The following FGF12 variants were observed in gnomAD, a reference collection of about 807,000 sequenced individuals.
FGF12 encodes the protein fibroblast growth factor 12B.
FGF12 carries 14 observed loss-of-function variants against 23.6 expected under a neutral mutation model. That is an observed-to-expected ratio of 0.59 (90% CI 0.39 to 0.93). FGF12 has a LOEUF of 0.93. Among genes scored for constraint, FGF12 ranks in the 40% least tolerant of loss-of-function variants. FGF12 has a pLI of 0.00. For synonymous variants in FGF12, 62 were observed against 77.3 expected, an observed-to-expected ratio of 0.80 and a Z score of 1.04; for missense variants, 175 against 217.8, an observed-to-expected ratio of 0.80 and a Z score of 1.24.
intron 2 of FGF12, among the ~76,000 whole-genome samples, chr3:192,439,521 C>T (rs1722130496): frequency 6.6e-6 from 1 of 152,190 alleles, no homozygotes; most frequent in African/African-American, 2.4e-5. Flanking sequence ...CTTCTATGTG[C>T]TGAGCATTTC....
chr3:192,368,835 A>G (rs887801436), intron 2 of FGF12, among the ~76,000 whole-genome samples: 3 of 152,154 alleles, frequency 2.0e-5, no homozygotes, highest in Admixed American at 6.6e-5. Context: ...AGACCCTTTA[A>G]TGAGAAAGTC....
intron 4 of FGF12, among the ~76,000 whole-genome samples, chr3:192,218,862 T>C (rs765833307): frequency 4.6e-5 from 7 of 152,146 alleles, no homozygotes; most frequent in Non-Finnish European, 8.8e-5. Context: ...TTGCTCCACA[T>C]TTAAAAAGTT....
chr3:192,480,865 A>T (rs1723460547), intron 2 of FGF12, among the ~76,000 whole-genome samples: 5 of 152,180 alleles, frequency 3.3e-5, no homozygotes, highest in Admixed American at 3.3e-4. Flanking sequence ...ACATTCACCC[A>T]TTACTATTGA....
At chr3:192,570,344 A>G (rs1340695967) in intron 2 of FGF12, among the ~76,000 whole-genome samples, 1 of 152,244 alleles carries the variant, frequency 6.6e-6, no homozygotes, top group Non-Finnish European at 1.5e-5. Flanking sequence ...AAACTTATCA[A>G]AAAAAGATTT....
intron 4 of FGF12, among the ~76,000 whole-genome samples, chr3:192,213,556 C>G (rs1185866714): frequency 6.6e-6 from 1 of 152,134 alleles, no homozygotes; most frequent in Non-Finnish European, 1.5e-5. Context: ...TCAAATAAGT[C>G]AAGTGACTTA....
In FGF12 at chr3:192,674,146, C is replaced by A. The variant is rs145144104; in HGVS notation, c.13+53035G>T. Among the ~76,000 whole-genome samples, 3 of 140,660 alleles carry A rather than the reference C, an allele frequency of 2.1e-5. 1 individual carries two copies. The highest frequency in any genetic ancestry group is 4.9e-5 in the Non-Finnish European group (3 of 60,610). The allele number at this position is 140,660 out of a possible 152,430, so 92.3% of individuals were successfully genotyped here. Reference sequence around the variant, plus strand: ...GCCCTATCTCATGTAATCCCTAGAACAACCCATGGGGTAGTTATTAACCTT... The same window carrying A: ...GCCCTATCTCATGTAATCCCTAGAAAAACCCATGGGGTAGTTATTAACCTT... On this transcript the variant is annotated intron_variant, in intron 2 of 5. Coordinates refer to ENST00000445105, the MANE Select transcript of FGF12 (RefSeq NM_004113.6).
chr3:192,315,413 T>G (rs893690319), intron 4 of FGF12, among the ~76,000 whole-genome samples: 7 of 152,206 alleles, frequency 4.6e-5, no homozygotes, highest in Non-Finnish European at 8.8e-5. Context: ...AAAAATCCAC[T>G]GATTTCCCCT....
chr3:192,681,244 T>G (rs1435687807), intron 2 of FGF12, among the ~76,000 whole-genome samples: 1 of 152,114 alleles, frequency 6.6e-6, no homozygotes, highest in African/African-American at 2.4e-5. Flanking sequence ...GATATAACAA[T>G]GTAAACTAGA....
intron 2 of FGF12, among the ~76,000 whole-genome samples, chr3:192,644,732 T>C (rs983322188): frequency 5.3e-5 from 8 of 152,172 alleles, no homozygotes; most frequent in African/African-American, 1.9e-4. Context: ...TAAACACAAG[T>C]CTGCCATCAT....
chr3:192,251,506 A>G (rs1712011144), intron 4 of FGF12, among the ~76,000 whole-genome samples: 1 of 152,172 alleles, frequency 6.6e-6, no homozygotes. Context: ...AAGACAAATG[A>G]CTGTACATGT....
intron 4 of FGF12, among the ~76,000 whole-genome samples, chr3:192,264,031 T>C (rs76186640): frequency 2.6e-3 from 396 of 152,230 alleles, no homozygotes; most frequent in Non-Finnish European, 4.3e-3. Flanking sequence ...TAATGTGTCA[T>C]ATTTCATCTT....
chr3:192,145,760 C>G (rs931407053), intron 5 of FGF12, among the ~76,000 whole-genome samples: 3 of 152,122 alleles, frequency 2.0e-5, no homozygotes, highest in Admixed American at 6.5e-5. Flanking sequence ...ACAGAGGAAA[C>G]CAGCTCAGAG....
At chr3:192,216,005 G>A (rs1012440553) in intron 4 of FGF12, among the ~76,000 whole-genome samples, 1 of 152,036 alleles carries the variant, frequency 6.6e-6, no homozygotes, top group Admixed American at 6.6e-5. Context: ...GTACAAGCAC[G>A]TGAGTTTCTA....
At chr3:192,448,332 A>G (rs1722422701) in intron 2 of FGF12, among the ~76,000 whole-genome samples, 1 of 152,232 alleles carries the variant, frequency 6.6e-6, no homozygotes, top group Non-Finnish European at 1.5e-5. Context: ...CTCTGCAAAA[A>G]ATTCATTTTC....
In FGF12 at chr3:192,628,893, G is replaced by A. The variant is rs1264263866; in HGVS notation, c.13+98288C>T. ...CTCTGGAGAACCCTGACTAATATAG[G>A]TATGGAGAATATTCTTATTATTTTT... On this transcript the variant is annotated intron_variant, in intron 2 of 5. Coordinates refer to ENST00000445105, the MANE Select transcript of FGF12 (RefSeq NM_004113.6). Among the ~76,000 whole-genome samples the A allele has an allele frequency of 3.3e-5, 5 of 151,604 alleles. No individual in the cohort carries two copies. In the East Asian group the frequency reaches 7.7e-4, roughly 23 times the overall value.
At chr3:192,358,600 G>A (rs1301758710) in intron 3 of FGF12, among the ~76,000 whole-genome samples, 1 of 151,768 alleles carries the variant, frequency 6.6e-6, no homozygotes. Context: ...AGTTCACCCA[G>A]CGTCAGCAGA....
intron 2 of FGF12, among the ~76,000 whole-genome samples, chr3:192,671,812 C>T (rs1717134225): frequency 6.6e-6 from 1 of 152,098 alleles, no homozygotes; most frequent in Admixed American, 6.5e-5. Flanking sequence ...CATACACACA[C>T]ACACACTCAC....
chr3:192,582,272 T>A (rs960188150), intron 2 of FGF12, among the ~76,000 whole-genome samples: 2 of 152,188 alleles, frequency 1.3e-5, no homozygotes, highest in Non-Finnish European at 2.9e-5. Flanking sequence ...ACATAAAAAA[T>A]TTATGTTTTA....
chr3:192,411,193 T>G (rs1721188360), intron 2 of FGF12, among the ~76,000 whole-genome samples: 1 of 152,166 alleles, frequency 6.6e-6, no homozygotes, highest in East Asian at 1.9e-4. Flanking sequence ...AAGATTCACT[T>G]GGGCAATAAG....
Sources: allele counts gnomAD v4.1 joint callset (sites outside exome capture counted in the v4.1 genomes callset), GRCh38; gene constraint gnomAD v4.1.1; transcripts MANE v1.5; gene names NCBI Gene and HGNC (gene_info 2026-07-23, HGNC 2026-07-21).